The following KIF1B variants were observed in gnomAD, a reference collection of about 807,000 sequenced individuals.
KIF1B encodes kinesin family member 1B, also known as kinesin-like protein KIF1B.
A neutral mutation model predicts 241.9 loss-of-function variants in KIF1B; 76 were observed. That is an observed-to-expected ratio of 0.31 (90% CI 0.26 to 0.38). The LOEUF (loss-of-function observed/expected upper bound fraction) is 0.38. Ranked by LOEUF, KIF1B falls within the 10% of genes least tolerant of loss-of-function variation. KIF1B has a pLI of 1.00. For missense variants in KIF1B, 1,622 were observed against 2,271.4 expected (o/e 0.71, Z 5.81); for synonymous variants, 750 against 796.7 (o/e 0.94, Z 0.99).
intron 2 of KIF1B, among the ~76,000 whole-genome samples, chr1:10,242,413 G>A (rs536410000): frequency 9.2e-5 from 14 of 152,336 alleles, no homozygotes; most frequent in Admixed American, 9.1e-4. Flanking sequence ...GCATGTTACT[G>A]TACTGAATAC....
At chr1:10,333,842 A>G (rs1450199885) in intron 27 of KIF1B, among the ~76,000 whole-genome samples, 2 of 151,678 alleles carry the variant, frequency 1.3e-5, no homozygotes, top group South Asian at 2.1e-4. Flanking sequence ...AAACCTCTTT[A>G]TAATTTCTTA....
chr1:10,247,836 C>T (rs76813905), intron 2 of KIF1B, among the ~76,000 whole-genome samples: 2,846 of 152,224 alleles, frequency 0.019, 40 homozygotes, highest in Non-Finnish European at 0.028. Flanking sequence ...TTTCCACAGA[C>T]GGGGGTGGAA....
chr1:10,286,604 G>A (rs979446735), intron 15 of KIF1B, among the ~76,000 whole-genome samples: 1 of 152,244 alleles, frequency 6.6e-6, no homozygotes, highest in Non-Finnish European at 1.5e-5. Flanking sequence ...TGTGTAGTAA[G>A]TGTTTTTCAT....
At chr1:10,292,164 TTTTG>T (rs779711531) in intron 17 of KIF1B, 42 bp downstream of exon 17, 1 of 1,523,314 alleles carries the variant, frequency 6.6e-7, no homozygotes, top group Non-Finnish European at 9.1e-7. Context: ...CAGAGACACT[TTTTG>T]TTTGTCTTTG....
chr1:10,365,072 A>G lies in KIF1B; in HGVS notation c.4367-28A>G. On this transcript the variant is annotated intron_variant, in intron 41 of 48. Transcript: ENST00000676179. The surrounding 1 kb of genome is among the most constrained non-coding windows in gnomAD (Gnocchi z 4.0). ...ACTTGGAATTGAATTTTTTTTCTGA[A>G]ACAAAAACTTGTTTCCTCTTGTCTT... The G allele has an allele frequency of 6.2e-7, 1 of 1,609,812 alleles. No individual in the cohort carries two copies. Among genetic ancestry groups the G allele is most frequent in the Non-Finnish European group, 8.5e-7 (1 of 1,177,996 alleles).
intron 5 of KIF1B, among the ~76,000 whole-genome samples, chr1:10,262,173 G>T (rs1180892036): frequency 1.3e-5 from 2 of 151,982 alleles, no homozygotes; most frequent in Non-Finnish European, 2.9e-5. Context: ...GTGGGGACAG[G>T]GTCTCACTCT....
chr1:10,278,881 A>C, intron 13 of KIF1B: 1 of 480,074 alleles, frequency 2.1e-6, no homozygotes, highest in Non-Finnish European at 3.7e-6. Flanking sequence ...ATATTCCTTG[A>C]AGTTCTAATA....
chr1:10,298,566 G>C (rs1286401615), intron 22 of KIF1B, among the ~76,000 whole-genome samples: 1 of 152,184 alleles, frequency 6.6e-6, no homozygotes, highest in African/African-American at 2.4e-5. Flanking sequence ...AATGAAAACG[G>C]AAAGAACTAG....
At chr1:10,351,059 G>C (rs1268342222) in intron 37 of KIF1B, among the ~76,000 whole-genome samples, 21 of 100,596 alleles carry the variant, frequency 2.1e-4, no homozygotes, top group Non-Finnish European at 3.8e-4. Context: ...CTGCATGACA[G>C]AACAAGACCC....
intron 2 of KIF1B, among the ~76,000 whole-genome samples, chr1:10,254,467 C>G (rs1043578294): frequency 1.2e-4 from 19 of 152,116 alleles, no homozygotes; most frequent in African/African-American, 4.3e-4. Flanking sequence ...TACATAAATA[C>G]ACACACACTA....
chr1:10,219,200 G>A (rs567027989), intron 1 of KIF1B, among the ~76,000 whole-genome samples: 2 of 152,322 alleles, frequency 1.3e-5, no homozygotes, highest in Admixed American at 1.3e-4. Flanking sequence ...GGTGGCTCAT[G>A]CCTGTAATCC....
At chr1:10,342,752 C>T (rs1652447555) in intron 33 of KIF1B, among the ~76,000 whole-genome samples, 1 of 152,108 alleles carries the variant, frequency 6.6e-6, no homozygotes, top group South Asian at 2.1e-4. Context: ...ACATCCAACT[C>T]TTTGTAGTCT....
At chr1:10,320,981 A>C (rs1651500334) in intron 23 of KIF1B, among the ~76,000 whole-genome samples, 1 of 152,000 alleles carries the variant, frequency 6.6e-6, no homozygotes, top group South Asian at 2.1e-4. Flanking sequence ...GATTACAGGC[A>C]TGAGCCACTG....
intron 36 of KIF1B, 54 bp from the exon 37 acceptor site, chr1:10,348,595 G>A (rs1292294932): frequency 4.4e-6 from 6 of 1,351,514 alleles, no homozygotes; most frequent in Middle Eastern, 1.8e-4. Flanking sequence ...AACAGTAGAC[G>A]AGAGGAGATA....
At chr1:10,319,030 T>C (rs773405607) in intron 22 of KIF1B, among the ~76,000 whole-genome samples, 5 of 152,030 alleles carry the variant, frequency 3.3e-5, no homozygotes, top group Non-Finnish European at 5.9e-5. Context: ...TTTGGGGTGA[T>C]ATTACCCTTA....
intron 22 of KIF1B, chr1:10,304,700 C>T: frequency 4.4e-6 from 7 of 1,604,808 alleles, no homozygotes; most frequent in Non-Finnish European, 6.0e-6. Flanking sequence ...ACAGTGTTAG[C>T]TCATGATTTG....
In KIF1B at chr1:10,323,959, G is replaced by A; in HGVS notation, c.2434G>A (p.Glu812Lys). 6.2e-7 allele frequency: 1 copy of A among 1,614,152 alleles called. No homozygotes were observed. The highest frequency in any genetic ancestry group is 8.5e-7 in the Non-Finnish European group (1 of 1,180,000). Residue 812 changes from glutamate to lysine, a missense_variant, in exon 25 of 49, where the codon GAA (glutamate) becomes AAA (lysine). Transcript: ENST00000676179. The stretch of plus-strand genomic sequence containing the variant: ...TCCTGAATTACTTCCCACTGAGATG[G>A]AAAAAACTCATGAGGACAGGCCTTT... ...LPPELLPTEM[E>K]KTHEDRPFPR...
At chr1:10,342,479 C>T (rs1301292692) in intron 33 of KIF1B, among the ~76,000 whole-genome samples, 4 of 152,186 alleles carry the variant, frequency 2.6e-5, no homozygotes, top group Non-Finnish European at 2.9e-5. Context: ...CTAATGCCCA[C>T]AGCTTTATGA....
intron 22 of KIF1B, among the ~76,000 whole-genome samples, chr1:10,319,295 T>A (rs1042501905): frequency 5.3e-5 from 8 of 152,004 alleles, no homozygotes; most frequent in Admixed American, 6.6e-5. Flanking sequence ...AGAGACAGGG[T>A]TTCTCCATGT....
Sources: allele counts gnomAD v4.1 joint callset (sites outside exome capture counted in the v4.1 genomes callset), GRCh38; gene constraint gnomAD v4.1.1; non-coding constraint Gnocchi (gnomAD v3.1); transcripts MANE v1.5; gene names NCBI Gene and HGNC (gene_info 2026-07-23, HGNC 2026-07-21).